The following NOX3 variants were observed in gnomAD, a reference collection of about 807,000 sequenced individuals.
The protein encoded by NOX3 is NADPH oxidase 3.
NOX3 carries 74 observed loss-of-function variants against 76.7 expected under a neutral mutation model. That is an observed-to-expected ratio of 0.96 (90% CI 0.80 to 1.17). NOX3 has a LOEUF of 1.17. NOX3 is among the 50% of genes most tolerant of loss of function. NOX3 has a pLI of 0.00. For synonymous variants in NOX3, 263 were observed against 261.1 expected (o/e 1.01, Z -0.07); for missense variants, 695 against 703.3 (o/e 0.99, Z 0.13).
At chr6:155,433,899 C>A (rs1776867380) in intron 7 of NOX3, among the ~76,000 whole-genome samples, 1 of 152,196 alleles carries the variant, frequency 6.6e-6, no homozygotes, top group Non-Finnish European at 1.5e-5. Flanking sequence ...TCCGTGGCTT[C>A]TTGGCTTTCT....
chr6:155,422,589 T>C, intron 10 of NOX3, 105 bp downstream of exon 10: 1 of 1,059,652 alleles, frequency 9.4e-7, no homozygotes, highest in South Asian at 1.6e-5. Flanking sequence ...CTTGAGTTTA[T>C]CCCTCATAGT....
At chr6:155,427,860 G>A (rs1451967692) in intron 9 of NOX3, among the ~76,000 whole-genome samples, 1 of 152,064 alleles carries the variant, frequency 6.6e-6, no homozygotes, top group African/African-American at 2.4e-5. Context: ...TGGGACTTCT[G>A]TTATGTGCCC....
At chr6:155,422,169 G>A (rs1776697387) in intron 10 of NOX3, among the ~76,000 whole-genome samples, 1 of 152,148 alleles carries the variant, frequency 6.6e-6, no homozygotes, top group African/African-American at 2.4e-5. Flanking sequence ...TACGACAAAG[G>A]ACGGAAAGAA....
intron 4 of NOX3, among the ~76,000 whole-genome samples, chr6:155,452,102 G>A (rs1777152752): frequency 1.3e-5 from 2 of 152,190 alleles, no homozygotes; most frequent in Non-Finnish European, 2.9e-5. Context: ...AAGGAAGCCT[G>A]GAGATTCCTT....
intron 4 of NOX3, among the ~76,000 whole-genome samples, chr6:155,450,503 C>T (rs745800067): frequency 5.3e-5 from 8 of 152,160 alleles, no homozygotes; most frequent in East Asian, 1.9e-4. Flanking sequence ...ACCTCCTGTG[C>T]GCCAGGGACC....
intron 4 of NOX3, among the ~76,000 whole-genome samples, chr6:155,447,869 C>T (rs1459747075): frequency 2.0e-5 from 3 of 152,202 alleles, no homozygotes; most frequent in Non-Finnish European, 4.4e-5. Flanking sequence ...ACTTGATAGA[C>T]ACCAGGGGAG....
rs1173760769 is a variant in NOX3, at chr6:155,427,031, TG to T, written c.1145+1762del. Among the ~76,000 whole-genome samples the T allele has an allele frequency of 5.8e-3, 100 of 17,266 alleles. 1 individual carries two copies. The highest frequency in any genetic ancestry group is 0.021 in the African/African-American group (95 of 4,490). 11.3% of individuals were successfully genotyped at this position (17,266 alleles called of 152,430 possible). On this transcript the variant is annotated intron_variant, in intron 9 of 13. Transcript: ENST00000159060. ...TGTGTGTGTGTGTGTGTGTGTGTGC[TG>T]GGGGGGTTGGTGAGGGTGGGGGTGC...
At chr6:155,416,744 CTTTTTTTTTTTT>C (rs534711414) in intron 10 of NOX3, among the ~76,000 whole-genome samples, 2,372 of 92,570 alleles carry the variant, frequency 0.026, 114 homozygotes, top group African/African-American at 0.091. Context: ...CTGAAACATT[CTTTTTTTTTTTT>C]TTTTTTTTTT....
intron 10 of NOX3, among the ~76,000 whole-genome samples, chr6:155,420,012 C>T (rs766199762): frequency 7.9e-5 from 12 of 151,660 alleles, no homozygotes; most frequent in Non-Finnish European, 1.5e-4. Flanking sequence ...ATATAGTTAT[C>T]ACATGTTGTA....
intron 9 of NOX3, among the ~76,000 whole-genome samples, chr6:155,426,984 CGTGTGTGT>C (rs764029957): frequency 6.9e-4 from 29 of 41,920 alleles, no homozygotes; most frequent in South Asian, 5.3e-3. Flanking sequence ...GACACTGTGG[CGTGTGTGT>C]GTGTGTGTGT....
At chr6:155,453,314 G>T in intron 4 of NOX3, 90 bp downstream of exon 4, 2 of 985,802 alleles carry the variant, frequency 2.0e-6, no homozygotes, top group Non-Finnish European at 3.3e-6. Flanking sequence ...TTACCTGAGG[G>T]TGAGACTTGG....
chr6:155,413,520 G>A (rs231938), intron 10 of NOX3, among the ~76,000 whole-genome samples: 53,404 of 151,882 alleles, frequency 0.35, 12,452 homozygotes, highest in African/African-American at 0.66. Context: ...ATGGAGGGTG[G>A]GGGAGGAGGA....
intron 6 of NOX3, among the ~76,000 whole-genome samples, chr6:155,438,822 G>T (rs1051546890): frequency 6.6e-6 from 1 of 152,246 alleles, no homozygotes; most frequent in Non-Finnish European, 1.5e-5. Flanking sequence ...GGTGGCAATG[G>T]TGGGAGAATG....
chr6:155,426,483 G>A (rs1776756214), intron 9 of NOX3, among the ~76,000 whole-genome samples: 2 of 152,188 alleles, frequency 1.3e-5, no homozygotes, highest in African/African-American at 4.8e-5. Context: ...TTGAGTGACT[G>A]CTGGGGGTTG....
chr6:155,422,977 C>A (rs566852048), intron 9 of NOX3, 121 bp from the exon 10 acceptor site: 10 of 975,954 alleles, frequency 1.0e-5, no homozygotes, highest in Non-Finnish European at 1.5e-5. Flanking sequence ...GAGGTTGACT[C>A]TGTGCCTGAA....
chr6:155,440,459 G>GA lies in NOX3; in HGVS notation c.487-323dup, dbSNP rs533177104. 1.4e-3 allele frequency among the ~76,000 whole-genome samples: 212 copies of GA among 149,412 alleles called. 2 individuals carry two copies. The highest frequency in any genetic ancestry group is 1.4e-3 in the Non-Finnish European group (91 of 67,406). On this transcript the variant is annotated intron_variant, in intron 5 of 13. Coordinates refer to ENST00000159060, the MANE Select transcript of NOX3 (RefSeq NM_015718.3). ...ATTTCACATCAAAGTTATTATACTG[G>GA]AAAAAAAACCCACATAAATAAATTA... is the stretch of plus-strand genomic sequence containing the variant.
intron 6 of NOX3, 39 bp downstream of exon 6, chr6:155,439,917 G>A (rs1776958602): frequency 1.9e-6 from 3 of 1,562,110 alleles, no homozygotes; most frequent in African/African-American, 2.7e-5. Context: ...GGGACTCTCA[G>A]AGATAAAATC....
intron 11 of NOX3, among the ~76,000 whole-genome samples, chr6:155,409,864 G>A (rs1247421851): frequency 2.6e-5 from 4 of 152,248 alleles, no homozygotes; most frequent in South Asian, 2.1e-4. Flanking sequence ...AGAGACGGGA[G>A]GGGGCAGGAT....
chr6:155,421,577 T>C (rs1482694219), intron 10 of NOX3, among the ~76,000 whole-genome samples: 1 of 152,212 alleles, frequency 6.6e-6, no homozygotes, highest in African/African-American at 2.4e-5. Flanking sequence ...GCGGAACTTT[T>C]TTTAGAGACA....
Sources: allele counts gnomAD v4.1 joint callset (sites outside exome capture counted in the v4.1 genomes callset), GRCh38; gene constraint gnomAD v4.1.1; transcripts MANE v1.5; gene names NCBI Gene and HGNC (gene_info 2026-07-23, HGNC 2026-07-21).